PLAAT5: variants seen among roughly 807,000 people sequenced by gnomAD.
The protein encoded by PLAAT5 is Ca(2+)-independent N-acyltransferase.
In PLAAT5, 27 loss-of-function variants were observed where a neutral mutation model predicts 27.8. That is an observed-to-expected ratio of 0.97 (90% CI 0.72 to 1.34). PLAAT5 has a LOEUF of 1.34. Ranked by LOEUF, PLAAT5 falls within the 40% of genes most tolerant of loss-of-function variation. The probability of loss-of-function intolerance (pLI) is 0.00; values close to 1 mark genes in which losing one functional copy is unlikely to be tolerated. For synonymous variants in PLAAT5, 125 were observed against 136.1 expected, an observed-to-expected ratio of 0.92 and a Z score of 0.57; for missense variants, 368 against 343.8, an observed-to-expected ratio of 1.07 and a Z score of -0.56.
At chr11:63,478,358 T>A (rs1033346909) in intron 3 of PLAAT5, among the ~76,000 whole-genome samples, 2 of 152,062 alleles carry the variant, frequency 1.3e-5, no homozygotes, top group Non-Finnish European at 2.9e-5. Context: ...TCTTGCTCTG[T>A]TACCCAGGCT....
intron 3 of PLAAT5, among the ~76,000 whole-genome samples, chr11:63,477,545 G>A (rs908252088): frequency 6.0e-5 from 9 of 150,942 alleles, no homozygotes; most frequent in South Asian, 2.1e-4. Context: ...GTGTGATCTC[G>A]GCCCACTGCA....
rs2015916715 is a variant in PLAAT5 at position 63,468,258 on chromosome 11, C to T, written c.454+99G>A. The T allele has an allele frequency of 7.7e-6, 7 of 905,866 alleles. No homozygotes were observed. In the Admixed American group the frequency reaches 9.8e-5, roughly 13 times the overall value. The allele number at this position is 905,866 out of a possible 1,614,324, so 56.1% of individuals were successfully genotyped here. A position where few individuals can be genotyped will look rare whatever the true frequency, so the allele number is the denominator to read the frequency against. On this transcript the variant is annotated intron_variant, in intron 4 of 5. Coordinates refer to ENST00000540857, the MANE Select transcript of PLAAT5 (RefSeq NM_001146729.2). ...AGTCATGCTTCAAGGGGTCCCATTG[C>T]TAAAGAATGGCAGTAACTGAGGAAC...
At position 63,468,548 on chromosome 11, in the gene PLAAT5, T is replaced by G. The variant is rs1374620350; in HGVS notation, c.346-83A>C. On this transcript the variant is annotated intron_variant, in intron 3 of 5. Transcript: ENST00000540857. Reference sequence around the variant, plus strand: ...TTTTAGGATCAGGGACAGCTCAGCCTAAAGATCCCCTCAGTGTGGTTCATC... The same window carrying G: ...TTTTAGGATCAGGGACAGCTCAGCCGAAAGATCCCCTCAGTGTGGTTCATC... The G allele has an allele frequency of 2.3e-5, 23 of 989,824 alleles. No homozygotes were observed. In the East Asian group the frequency reaches 4.3e-4, roughly 19 times the overall value. The allele number at this position is 989,824 out of a possible 1,614,324, so 61.3% of individuals were successfully genotyped here.
chr11:63,488,998 A>T, intron 2 of PLAAT5, 22 bp from the exon 3 acceptor site: 2 of 1,466,418 alleles, frequency 1.4e-6, no homozygotes, highest in Non-Finnish European at 1.9e-6. Context: ...TGCAATCACA[A>T]AGTTAACAAA....
At chr11:63,490,098 A>G in intron 2 of PLAAT5, 145 bp downstream of exon 2, 1 of 1,058,240 alleles carries the variant, frequency 9.4e-7, no homozygotes, top group South Asian at 1.4e-5. Flanking sequence ...ATCACCCAGG[A>G]TCACACCAGC....
At chr11:63,480,822 G>A (rs1174792128) in intron 3 of PLAAT5, among the ~76,000 whole-genome samples, 2 of 152,164 alleles carry the variant, frequency 1.3e-5, no homozygotes, top group Non-Finnish European at 2.9e-5. Flanking sequence ...GTAGCTGTCT[G>A]TATGCTACAG....
rs1565218844 is a variant in PLAAT5 at position 63,490,940 on chromosome 11, GT to G, written c.94del (p.Thr32ProfsTer40). On this transcript the variant is annotated frameshift_variant, in exon 1 of 6. Transcript: ENST00000540857. LOFTEE classifies it high-confidence loss of function. ...CGCAGGCGGCTGGTCCTTGGGCCCG[GT>G]ACTGGCGGTTCGCGAGGCGGGTTTG... ...LPKPASRTAS[T>X]GPKDQPPALR... The G allele has an allele frequency of 6.2e-7, 1 of 1,601,762 alleles. No individual in the cohort carries two copies.
At chr11:63,478,861 A>G (rs1407384976) in intron 3 of PLAAT5, among the ~76,000 whole-genome samples, 6 of 152,184 alleles carry the variant, frequency 3.9e-5, no homozygotes, top group Admixed American at 3.9e-4. Flanking sequence ...AAGAGAGAGG[A>G]AGTGCTTTGT....
intron 3 of PLAAT5, chr11:63,470,695 A>G (rs1014862902): frequency 2.0e-5 from 3 of 152,394 alleles, no homozygotes; most frequent in Non-Finnish European, 4.4e-5. Flanking sequence ...AAAACTTTTA[A>G]TTAATGTTCA....
At chr11:63,490,113 C>CTGGGTGATAACACCAG in intron 2 of PLAAT5, 130 bp downstream of exon 2, 2 of 1,204,246 alleles carry the variant, frequency 1.7e-6, no homozygotes, top group South Asian at 2.7e-5. Flanking sequence ...ACCAGCCTTC[C>CTGGGTGATAACACCAG]CCTTGCTGGG....
intron 5 of PLAAT5, 35 bp from the exon 6 acceptor site, chr11:63,463,630 C>A: frequency 1.3e-6 from 2 of 1,570,676 alleles, no homozygotes; most frequent in Non-Finnish European, 1.8e-6. Context: ...ACAATCAGTA[C>A]CAATCCTAGG....
intron 3 of PLAAT5, among the ~76,000 whole-genome samples, chr11:63,471,662 T>C (rs1012182511): frequency 1.8e-4 from 28 of 152,368 alleles, no homozygotes; most frequent in South Asian, 2.1e-4. Flanking sequence ...CAGAGTAATA[T>C]TCTTCTACAT....
At chr11:63,483,532 CAG>C in intron 3 of PLAAT5, among the ~76,000 whole-genome samples, 1 of 146,892 alleles carries the variant, frequency 6.8e-6, no homozygotes, top group Admixed American at 7.0e-5. Context: ...GAAATCAAGA[CAG>C]AAATTTAAAA....
At chr11:63,464,851 G>A (rs1457498940) in intron 5 of PLAAT5, among the ~76,000 whole-genome samples, 1 of 152,098 alleles carries the variant, frequency 6.6e-6, no homozygotes, top group Non-Finnish European at 1.5e-5. Context: ...TGCAGTATAG[G>A]CCAGGCAGGT....
intron 2 of PLAAT5, among the ~76,000 whole-genome samples, chr11:63,489,264 G>T (rs960767327): frequency 1.3e-5 from 2 of 152,044 alleles, no homozygotes; most frequent in African/African-American, 4.8e-5. Flanking sequence ...AGTGATACTT[G>T]CACATGGTTT....
rs1158414028 is a variant in PLAAT5, at chr11:63,465,559, A to AAGT, written c.717+548_717+550dup. On this transcript the variant is annotated intron_variant, in intron 5 of 5. Transcript: ENST00000540857. Reference sequence around the variant, plus strand: ...GTAATCCCAGCACTTTGGGAGGTCGAAGTGGAGGATCACTTGAGCCCAGGA... The same window carrying AAGT: ...GTAATCCCAGCACTTTGGGAGGTCGAAGTAGTGGAGGATCACTTGAGCCCAGGA... Among the ~76,000 whole-genome samples the AAGT allele has an allele frequency of 2.6e-5, 4 of 151,934 alleles. No homozygotes were observed. The East Asian group carries it at 5.8e-4, about 22-fold the overall frequency.
intron 2 of PLAAT5, among the ~76,000 whole-genome samples, chr11:63,489,291 T>G (rs1445183376): frequency 6.6e-6 from 1 of 152,238 alleles, no homozygotes; most frequent in Non-Finnish European, 1.5e-5. Flanking sequence ...CATAAGAATT[T>G]ATAATGAAAT....
At chr11:63,467,985 G>A (rs1277654048) in intron 4 of PLAAT5, among the ~76,000 whole-genome samples, 1 of 152,250 alleles carries the variant, frequency 6.6e-6, no homozygotes, top group African/African-American at 2.4e-5. Flanking sequence ...GAAAACAAAT[G>A]ACGATCAGAA....
intron 3 of PLAAT5, among the ~76,000 whole-genome samples, chr11:63,475,540 C>A (rs145805810): frequency 1.2e-3 from 189 of 151,988 alleles, no homozygotes; most frequent in Non-Finnish European, 2.0e-3. Context: ...TGGCATATAA[C>A]TGGATCTTGT....
Sources: allele counts gnomAD v4.1 joint callset (sites outside exome capture counted in the v4.1 genomes callset), GRCh38; gene constraint gnomAD v4.1.1; transcripts MANE v1.5; gene names NCBI Gene and HGNC (gene_info 2026-07-23, HGNC 2026-07-21).